MME: variants seen among roughly 807,000 people sequenced by gnomAD.
The protein encoded by MME is membrane metalloendopeptidase.
A neutral mutation model predicts 113.2 loss-of-function variants in MME; 98 were observed. That is an observed-to-expected ratio of 0.87 (90% CI 0.74 to 1.02). MME has a LOEUF of 1.02. MME is among the 50% of genes least tolerant of loss of function. MME has a pLI of 0.00. For missense variants in MME, 836 were observed against 896.0 expected (o/e 0.93, Z 0.86); for synonymous variants, 292 against 300.6 (o/e 0.97, Z 0.30).
intron 13 of MME, 129 bp downstream of exon 13, chr3:155,143,700 A>G: frequency 9.3e-7 from 1 of 1,073,152 alleles, no homozygotes; most frequent in South Asian, 1.3e-5. Context: ...CCTCTGAATC[A>G]TAATATGCCA....
intron 1 of MME, among the ~76,000 whole-genome samples, chr3:155,045,873 T>C (rs998216569): frequency 5.9e-5 from 9 of 152,198 alleles, no homozygotes; most frequent in Non-Finnish European, 1.2e-4. Flanking sequence ...TTTAAAAGTA[T>C]GAGTTTCCCT....
At chr3:155,116,220 G>A (rs534270926) in intron 4 of MME, among the ~76,000 whole-genome samples, 21 of 150,536 alleles carry the variant, frequency 1.4e-4, no homozygotes, top group Non-Finnish European at 2.7e-4. Flanking sequence ...AGATAATCTA[G>A]TCAAAAGGAC....
chr3:155,167,097 A>T, intron 18 of MME, 76 bp downstream of exon 18: 1 of 1,516,654 alleles, frequency 6.6e-7, no homozygotes. Flanking sequence ...ATAATTTATT[A>T]CTACAAAGCT....
chr3:155,104,050 A>G (rs1258174738), intron 3 of MME, among the ~76,000 whole-genome samples: 2 of 152,306 alleles, frequency 1.3e-5, no homozygotes, highest in Admixed American at 1.3e-4. Flanking sequence ...ACAACCTTTC[A>G]TATCTAGATA....
intron 1 of MME, among the ~76,000 whole-genome samples, chr3:155,038,926 G>A (rs893007057): frequency 5.9e-5 from 9 of 152,158 alleles, no homozygotes; most frequent in African/African-American, 7.2e-5. Flanking sequence ...TTTGTTGAGT[G>A]TATTCCCTGT....
At chr3:155,146,283 T>A (rs1721499037) in intron 14 of MME, among the ~76,000 whole-genome samples, 1 of 152,114 alleles carries the variant, frequency 6.6e-6, no homozygotes, top group Non-Finnish European at 1.5e-5. Context: ...CCCAGCACTT[T>A]GGGAGGCCGA....
At position 155,048,374 on chromosome 3, in the gene MME, C is replaced by A. The variant is rs1469872; in HGVS notation, c.-11+24050C>A. On this transcript the variant is annotated intron_variant, in intron 1 of 22. Coordinates refer to the MME transcript ENST00000492661. The stretch of plus-strand genomic sequence containing the variant: ...GTCATTCAGTTTTTGCTCTCTTCTA[C>A]AATCTGTCTTCTTTTGTTTCTTTTC... Among the ~76,000 whole-genome samples the A allele has an allele frequency of 1.8e-3, 269 of 152,260 alleles. 1 individual carries two copies. Among genetic ancestry groups the A allele is most frequent in the African/African-American group, 6.4e-3 (265 of 41,566 alleles).
intron 21 of MME, 27 bp downstream of exon 21, chr3:155,172,239 T>A: frequency 7.0e-7 from 1 of 1,434,402 alleles, no homozygotes; most frequent in Non-Finnish European, 9.8e-7. Flanking sequence ...GATTGATAGA[T>A]ATGAAAACCA....
At chr3:155,072,167 C>CAAAAAAAA (rs71155031) in intron 1 of MME, among the ~76,000 whole-genome samples, 8 of 65,064 alleles carry the variant, frequency 1.2e-4, no homozygotes, top group African/African-American at 1.4e-4. Flanking sequence ...GACTCCGTCT[C>CAAAAAAAA]AAAAAAAAAA....
At chr3:155,166,840 G>T in intron 17 of MME, 62 bp from the exon 18 acceptor site, 1 of 1,608,246 alleles carries the variant, frequency 6.2e-7, no homozygotes, top group Non-Finnish European at 8.5e-7. Context: ...CTGTCTCTAA[G>T]AAAATAAAAA....
At chr3:155,155,034 A>G (rs1354015838) in intron 16 of MME, among the ~76,000 whole-genome samples, 1 of 152,188 alleles carries the variant, frequency 6.6e-6, no homozygotes, top group African/African-American at 2.4e-5. Flanking sequence ...TTTACGTTTT[A>G]TGCTTCCATT....
chr3:155,134,926 G>A (rs1177772053), intron 8 of MME, among the ~76,000 whole-genome samples: 3 of 152,016 alleles, frequency 2.0e-5, no homozygotes, highest in South Asian at 2.1e-4. Context: ...TTGACCACTT[G>A]TATGTTTTCT....
At chr3:155,090,256 T>C (rs2108187925) in intron 3 of MME, 1 of 152,426 alleles carries the variant, frequency 6.6e-6, no homozygotes, top group Non-Finnish European at 1.5e-5. Context: ...TTTTGATGAT[T>C]ACTTAATTAT....
chr3:155,143,321 C>T, intron 12 of MME, 122 bp from the exon 13 acceptor site: 1 of 1,139,606 alleles, frequency 8.8e-7, no homozygotes, highest in Non-Finnish European at 1.3e-6. Flanking sequence ...GAACATGGGC[C>T]TTGTGAGGAG....
intron 17 of MME, among the ~76,000 whole-genome samples, chr3:155,161,498 T>G (rs893929071): frequency 6.6e-6 from 1 of 152,106 alleles, no homozygotes; most frequent in Non-Finnish European, 1.5e-5. Context: ...ATATTTATCA[T>G]TGGCTAAAAA....
chr3:155,085,337 A>G (rs1184669238), intron 3 of MME: 4 of 328,662 alleles, frequency 1.2e-5, no homozygotes, highest in South Asian at 7.1e-5. Context: ...AGAAAACTAT[A>G]TCGCTATTTG....
intron 3 of MME, among the ~76,000 whole-genome samples, chr3:155,110,668 A>G (rs192494845): frequency 1.7e-4 from 26 of 152,296 alleles, no homozygotes; most frequent in Non-Finnish European, 3.2e-4. Flanking sequence ...TTGTGTGACC[A>G]TTTTCTTAAA....
At chr3:155,070,281 A>G (rs1714509983) in intron 1 of MME, among the ~76,000 whole-genome samples, 1 of 152,216 alleles carries the variant, frequency 6.6e-6, no homozygotes, top group Non-Finnish European at 1.5e-5. Context: ...CTATACTTGA[A>G]AAGATTTCTT....
intron 1 of MME, among the ~76,000 whole-genome samples, chr3:155,058,602 G>C (rs1329837832): frequency 6.6e-6 from 1 of 151,560 alleles, no homozygotes; most frequent in Non-Finnish European, 1.5e-5. Context: ...AAAAGCCTAA[G>C]GAAAAAATAT....
Sources: gnomAD v4.1 joint callset for allele counts (sites outside exome capture counted in the v4.1 genomes callset) on GRCh38, gnomAD v4.1.1 for gene constraint, MANE v1.5 for transcripts, NCBI Gene and HGNC (gene_info 2026-07-23, HGNC 2026-07-21) for gene names.